The following RAP1GDS1 variants were observed in gnomAD, a reference collection of about 807,000 sequenced individuals.
The protein encoded by RAP1GDS1 is Rap1 GTPase-GDP dissociation stimulator 1.
A neutral mutation model predicts 71.1 loss-of-function variants in RAP1GDS1; 35 were observed. The observed-to-expected ratio is 0.49, with a 90% CI of 0.38 to 0.65. RAP1GDS1 has a LOEUF of 0.65. Ranked by LOEUF, RAP1GDS1 falls within the 30% of genes least tolerant of loss-of-function variation. RAP1GDS1 has a pLI of 0.00. For missense variants in RAP1GDS1, 663 were observed against 706.1 expected (o/e 0.94, Z 0.69); for synonymous variants, 229 against 243.1 (o/e 0.94, Z 0.54).
chr4:98,348,515 A>G, intron 3 of RAP1GDS1, among the ~76,000 whole-genome samples: 1 of 152,122 alleles, frequency 6.6e-6, no homozygotes, highest in Non-Finnish European at 1.5e-5. Flanking sequence ...TGGTATTTCT[A>G]GTTCTAGATC....
intron 4 of RAP1GDS1, among the ~76,000 whole-genome samples, chr4:98,378,144 A>C (rs1013200164): frequency 6.6e-6 from 1 of 151,828 alleles, no homozygotes; most frequent in Non-Finnish European, 1.5e-5. Flanking sequence ...GACCTCTTCT[A>C]GAGGGTGGTT....
At chr4:98,401,138 G>T in intron 6 of RAP1GDS1, among the ~76,000 whole-genome samples, 1 of 152,156 alleles carries the variant, frequency 6.6e-6, no homozygotes. Flanking sequence ...ACCAATCCAG[G>T]TTGGGTTAGG....
chr4:98,267,354 T>C (rs1722837513), intron 1 of RAP1GDS1, among the ~76,000 whole-genome samples: 1 of 152,138 alleles, frequency 6.6e-6, no homozygotes, highest in South Asian at 2.1e-4. Context: ...TACATGTGCA[T>C]GTTTTTTACA....
Position 98,320,312 on chromosome 4 carries a change from G to C in RAP1GDS1, c.113-22827G>C, listed in dbSNP as rs558184253. ...TGGTTGATTTGGTGGCCTAAAGTAT[G>C]TTTCTCTTTTTAGATTAGTGTTGAT... On this transcript the variant is annotated intron_variant, in intron 2 of 14. Transcript: ENST00000408927. Among the ~76,000 whole-genome samples, 117 of 152,236 alleles carry C rather than the reference G, an allele frequency of 7.7e-4. 1 individual carries two copies. Among genetic ancestry groups the C allele is most frequent in the African/African-American group, 2.8e-3 (115 of 41,528 alleles).
intron 2 of RAP1GDS1, among the ~76,000 whole-genome samples, chr4:98,325,301 G>A (rs1260530453): frequency 2.0e-5 from 3 of 150,828 alleles, no homozygotes; most frequent in Non-Finnish European, 3.0e-5. Context: ...TGGAGAAATA[G>A]GAACACTTTT....
At chr4:98,325,017 A>C (rs1732733774) in intron 2 of RAP1GDS1, among the ~76,000 whole-genome samples, 1 of 150,030 alleles carries the variant, frequency 6.7e-6, no homozygotes, top group Non-Finnish European at 1.5e-5. Context: ...TTCGCAACCT[A>C]CTCATCTGAC....
intron 5 of RAP1GDS1, 171 bp downstream of exon 5, chr4:98,379,334 T>C (rs1741647496): frequency 2.6e-6 from 2 of 766,192 alleles, no homozygotes; most frequent in Middle Eastern, 3.9e-4. Context: ...TGTAAAATGG[T>C]TAATTTACTA....
chr4:98,341,190 A>T (rs1369463185), intron 2 of RAP1GDS1, among the ~76,000 whole-genome samples: 3 of 152,230 alleles, frequency 2.0e-5, no homozygotes, highest in Admixed American at 1.3e-4. Context: ...TAGCAGGTAA[A>T]AATAATTCCT....
At chr4:98,343,043 G>A (rs1388134935) in intron 2 of RAP1GDS1, 96 bp from the exon 3 acceptor site, 1 of 1,306,168 alleles carries the variant, frequency 7.7e-7, no homozygotes, top group Admixed American at 2.7e-5. Context: ...TTCTATTATG[G>A]GTGGGAAAAA....
At chr4:98,285,839 T>C (rs1175013801) in intron 1 of RAP1GDS1, among the ~76,000 whole-genome samples, 2 of 147,366 alleles carry the variant, frequency 1.4e-5, no homozygotes, top group African/African-American at 4.9e-5. Flanking sequence ...ATAAATAAAT[T>C]ATAAATAATT....
intron 6 of RAP1GDS1, among the ~76,000 whole-genome samples, chr4:98,399,778 T>G (rs185031678): frequency 6.6e-6 from 1 of 152,202 alleles, no homozygotes; most frequent in East Asian, 1.9e-4. Flanking sequence ...AGACAAAAGT[T>G]AACAAATCCT....
At chr4:98,360,443 G>T (rs1738569276) in intron 4 of RAP1GDS1, among the ~76,000 whole-genome samples, 1 of 147,604 alleles carries the variant, frequency 6.8e-6, no homozygotes, top group South Asian at 2.3e-4. Flanking sequence ...GGTGGGAAAA[G>T]TCTAATTATA....
intron 2 of RAP1GDS1, among the ~76,000 whole-genome samples, chr4:98,298,252 G>A (rs546130740): frequency 6.6e-6 from 1 of 152,326 alleles, no homozygotes; most frequent in South Asian, 2.1e-4. Context: ...GCTGAAGCAA[G>A]TTACCCACAA....
intron 4 of RAP1GDS1, among the ~76,000 whole-genome samples, chr4:98,359,118 A>G (rs1249114574): frequency 6.6e-6 from 1 of 152,120 alleles, no homozygotes; most frequent in Non-Finnish European, 1.5e-5. Flanking sequence ...TGTGAAAGAC[A>G]AAAATGCCTG....
At chr4:98,420,432 C>T (rs1227079509) in intron 11 of RAP1GDS1, among the ~76,000 whole-genome samples, 1 of 151,638 alleles carries the variant, frequency 6.6e-6, no homozygotes, top group Non-Finnish European at 1.5e-5. Flanking sequence ...GTGGTGCGAC[C>T]TCAGCTCACC....
At chr4:98,340,119 G>T (rs1735281747) in intron 2 of RAP1GDS1, among the ~76,000 whole-genome samples, 1 of 152,002 alleles carries the variant, frequency 6.6e-6, no homozygotes, top group Non-Finnish European at 1.5e-5. Context: ...AATTAGCTTG[G>T]CCATTTTACA....
At chr4:98,397,484 C>A (rs1313828761) in intron 6 of RAP1GDS1, among the ~76,000 whole-genome samples, 1 of 151,896 alleles carries the variant, frequency 6.6e-6, no homozygotes, top group East Asian at 1.9e-4. Flanking sequence ...TCTCTAAAAA[C>A]AAAAAGCAAA....
intron 2 of RAP1GDS1, among the ~76,000 whole-genome samples, chr4:98,315,087 T>C (rs1191363106): frequency 2.0e-5 from 3 of 152,190 alleles, no homozygotes; most frequent in African/African-American, 7.2e-5. Flanking sequence ...ATTTTTCTTT[T>C]TGGCTTAGAA....
At chr4:98,434,336 G>T (rs1396651286) in intron 13 of RAP1GDS1, among the ~76,000 whole-genome samples, 1 of 152,034 alleles carries the variant, frequency 6.6e-6, no homozygotes, top group Non-Finnish European at 1.5e-5. Flanking sequence ...TAGAGAAAAC[G>T]TTTTCAGCAG....
Sources: gnomAD v4.1 joint callset for allele counts (sites outside exome capture counted in the v4.1 genomes callset) on GRCh38, gnomAD v4.1.1 for gene constraint, MANE v1.5 for transcripts, NCBI Gene and HGNC (gene_info 2026-07-23, HGNC 2026-07-21) for gene names.